The following PLD5 variants were observed in gnomAD, a reference collection of about 807,000 sequenced individuals.
The protein encoded by PLD5 is phospholipase D family member 5.
A neutral mutation model predicts 61.1 loss-of-function variants in PLD5; 36 were observed. The ratio of observed to expected loss-of-function variants is 0.59; its 90% CI spans 0.45 to 0.78. The LOEUF (loss-of-function observed/expected upper bound fraction) is 0.78, where lower values mean the gene tolerates loss of function less well. Ranked by LOEUF, PLD5 falls within the 30% of genes least tolerant of loss-of-function variation. The pLI is 0.00. For synonymous variants in PLD5, 243 were observed against 242.8 expected, an observed-to-expected ratio of 1.00 and a Z score of -0.01; for missense variants, 515 against 644.4, an observed-to-expected ratio of 0.80 and a Z score of 2.17.
intron 5 of PLD5, among the ~76,000 whole-genome samples, chr1:242,198,701 C>CAAAAA (rs10603005): frequency 7.2e-4 from 37 of 51,418 alleles, no homozygotes; most frequent in East Asian, 1.1e-3. Context: ...AAGTCCTTAG[C>CAAAAA]AAAAAAAAAA....
At chr1:242,313,361 A>T (rs1327454911) in intron 2 of PLD5, among the ~76,000 whole-genome samples, 1 of 152,198 alleles carries the variant, frequency 6.6e-6, no homozygotes, top group Non-Finnish European at 1.5e-5. Flanking sequence ...TATGTTACTT[A>T]ACATATGAGA....
At chr1:242,242,012 G>GACAC (rs377737578) in intron 4 of PLD5, among the ~76,000 whole-genome samples, 176 of 106,004 alleles carry the variant, frequency 1.7e-3, no homozygotes, top group Middle Eastern at 5.1e-3. Context: ...TATATATATA[G>GACAC]ACACACACAC....
intron 2 of PLD5, among the ~76,000 whole-genome samples, chr1:242,297,146 C>A (rs1215804057): frequency 1.3e-5 from 2 of 152,042 alleles, no homozygotes; most frequent in Admixed American, 1.3e-4. Flanking sequence ...GAGATCGAGA[C>A]CATCCTGGCC....
chr1:242,303,962 C>T (rs1676204496), intron 2 of PLD5, among the ~76,000 whole-genome samples: 1 of 151,966 alleles, frequency 6.6e-6, no homozygotes, highest in Non-Finnish European at 1.5e-5. Context: ...CTTTTTTGCC[C>T]ACCATGGGCT....
chr1:242,430,906 C>A (rs1665681605), intron 1 of PLD5, among the ~76,000 whole-genome samples: 1 of 152,132 alleles, frequency 6.6e-6, no homozygotes, highest in Non-Finnish European at 1.5e-5. Context: ...TCCTGCAGCG[C>A]CTCCTGAGTG....
At chr1:242,462,243 C>T (rs543682210) in intron 1 of PLD5, among the ~76,000 whole-genome samples, 1 of 152,240 alleles carries the variant, frequency 6.6e-6, no homozygotes, top group East Asian at 1.9e-4. Context: ...TGTAAATGCC[C>T]ATCAATGGTA....
intron 1 of PLD5, among the ~76,000 whole-genome samples, chr1:242,369,656 G>A (rs898471477): frequency 1.3e-5 from 2 of 152,132 alleles, no homozygotes; most frequent in Non-Finnish European, 2.9e-5. Flanking sequence ...AAAGATGTTC[G>A]TGGTTTGCTC....
chr1:242,159,640 C>A (rs1490591995), intron 5 of PLD5, among the ~76,000 whole-genome samples: 1 of 152,084 alleles, frequency 6.6e-6, no homozygotes, highest in East Asian at 1.9e-4. Context: ...TATATCTGTC[C>A]CTACCCTCCA....
chr1:242,395,963 G>T (rs1045249926), intron 1 of PLD5, among the ~76,000 whole-genome samples: 1 of 152,144 alleles, frequency 6.6e-6, no homozygotes, highest in Admixed American at 6.5e-5. Flanking sequence ...CAGGAGAACC[G>T]CTTGAACCCC....
At chr1:242,506,350 A>C (rs2102995632) in intron 1 of PLD5, among the ~76,000 whole-genome samples, 1 of 152,268 alleles carries the variant, frequency 6.6e-6, no homozygotes, top group Middle Eastern at 3.4e-3. Flanking sequence ...TCACTTTACT[A>C]AGGCATCCAC....
intron 5 of PLD5, among the ~76,000 whole-genome samples, chr1:242,163,389 T>C (rs34955265): frequency 0.094 from 14,223 of 151,896 alleles, 977 homozygotes; most frequent in African/African-American, 0.18. Flanking sequence ...GTGATCCAGC[T>C]GCCTCGGCCT....
At chr1:242,440,743 C>G (rs1215140114) in intron 1 of PLD5, among the ~76,000 whole-genome samples, 1 of 152,216 alleles carries the variant, frequency 6.6e-6, no homozygotes, top group Admixed American at 6.5e-5. Flanking sequence ...AACTCACAGA[C>G]TAAACACAAT....
chr1:242,279,973 G>A (rs758571082), intron 3 of PLD5, among the ~76,000 whole-genome samples: 113 of 152,124 alleles, frequency 7.4e-4, no homozygotes, highest in East Asian at 1.9e-4. Context: ...ATAGAGAGTC[G>A]TGTCCACTAA....
chr1:242,123,673 C>A (rs144812588), intron 6 of PLD5, among the ~76,000 whole-genome samples: 1 of 152,160 alleles, frequency 6.6e-6, no homozygotes, highest in Non-Finnish European at 1.5e-5. Flanking sequence ...TGGCCCCAGC[C>A]GAAAATCAAT....
chr1:242,098,043 G>T (rs1489939226), intron 9 of PLD5, among the ~76,000 whole-genome samples: 1 of 152,176 alleles, frequency 6.6e-6, no homozygotes, highest in Non-Finnish European at 1.5e-5. Context: ...GTTTGTCAAA[G>T]ATCCTCTTCT....
chr1:242,303,057 T>A lies in PLD5; in HGVS notation c.327-14527A>T, dbSNP rs150354680. On this transcript the variant is annotated intron_variant, in intron 2 of 9. Transcript: ENST00000536534. Reference sequence around the variant, plus strand: ...CTCAGCGCCTTAGACCGCTCGGCCATCCTGACACACCAGAATCTGTGATGA... The same window carrying A: ...CTCAGCGCCTTAGACCGCTCGGCCAACCTGACACACCAGAATCTGTGATGA... Among the ~76,000 whole-genome samples the A allele has an allele frequency of 5.5e-4, 84 of 152,260 alleles. 1 individual carries two copies. The Middle Eastern group carries it at 0.014, about 25-fold the overall frequency.
chr1:242,255,296 T>C (rs1021888693), intron 4 of PLD5, among the ~76,000 whole-genome samples: 5 of 152,142 alleles, frequency 3.3e-5, no homozygotes, highest in Non-Finnish European at 7.3e-5. Flanking sequence ...TTATAAGGCT[T>C]ACATTAAATT....
intron 1 of PLD5, among the ~76,000 whole-genome samples, chr1:242,492,429 G>A (rs534822734): frequency 1.0e-3 from 151 of 151,578 alleles, no homozygotes; most frequent in Admixed American, 1.6e-3. Flanking sequence ...GATTGAGGCA[G>A]GACAATCGCT....
chr1:242,184,295 A>G (rs1667731517), intron 5 of PLD5, among the ~76,000 whole-genome samples: 3 of 152,244 alleles, frequency 2.0e-5, no homozygotes, highest in Non-Finnish European at 4.4e-5. Context: ...TGAAATATCC[A>G]CAGCACCTAC....
Sources: allele counts gnomAD v4.1 joint callset (sites outside exome capture counted in the v4.1 genomes callset), GRCh38; gene constraint gnomAD v4.1.1; transcripts MANE v1.5; gene names NCBI Gene and HGNC (gene_info 2026-07-23, HGNC 2026-07-21).